The following CELSR1 variants were observed in gnomAD, a reference collection of about 807,000 sequenced individuals.
CELSR1 encodes the protein cadherin EGF LAG seven-pass G-type receptor 1.
In CELSR1, 110 loss-of-function variants were observed where a neutral mutation model predicts 249.1. That is an observed-to-expected ratio of 0.44 (90% CI 0.38 to 0.52). CELSR1 has a LOEUF of 0.52. CELSR1 is among the 20% of genes least tolerant of loss of function. CELSR1 has a pLI of 0.00. For missense variants in CELSR1, 4,109 were observed against 4,296.4 expected, an observed-to-expected ratio of 0.96 and a Z score of 1.22; for synonymous variants, 2,113 against 1,900.0, an observed-to-expected ratio of 1.11 and a Z score of -2.92.
chr22:46,455,861 T>C (rs1347844805), intron 2 of CELSR1, among the ~76,000 whole-genome samples: 1 of 152,154 alleles, frequency 6.6e-6, no homozygotes, highest in Non-Finnish European at 1.5e-5. Flanking sequence ...CCCGGCAAGA[T>C]TTTTATAGAA....
chr22:46,439,353 GTTCTTGCACACCCCGTTGGCACAGCGGCC>G lies in CELSR1; in HGVS notation c.4213_4241del (p.Gly1405ArgfsTer22). ...TGAGCAGGTTCACGCAGGTGCCCCC[GTTCTTGCACACCCCGTTGGCACAGCGGCC>G]TGAGCGGGCATCCACCTCACAGTGC... On this transcript the variant is annotated frameshift_variant, in exon 3 of 35. Transcript: ENST00000674500. LOFTEE classifies it high-confidence loss of function. The G allele has an allele frequency of 6.2e-7, 1 of 1,614,014 alleles. No homozygotes were observed. The highest frequency in any genetic ancestry group is 2.2e-5 in the East Asian group (1 of 44,874).
Position 46,374,034 on chromosome 22 carries a change from G to T in CELSR1, c.7585-977C>A, listed in dbSNP as rs758170796. Among the ~76,000 whole-genome samples, 2 of 152,232 alleles carry T rather than the reference G, an allele frequency of 1.3e-5. No individual in the cohort carries two copies. Among genetic ancestry groups the T allele is most frequent in the Non-Finnish European group, 2.9e-5 (2 of 68,042 alleles). On this transcript the variant is annotated intron_variant, in intron 24 of 34. Transcript: ENST00000674500. The surrounding 1 kb of genome is among the most constrained non-coding windows in gnomAD (Gnocchi z 4.3). The stretch of plus-strand genomic sequence containing the variant: ...AAACAACGCCCCCGAGGTGGGGAGG[G>T]CCCCAAGTCAGCATCGCATCTGTCA...
chr22:46,500,624 G>T lies in CELSR1; in HGVS notation c.3544+33003C>A, dbSNP rs969746498. On this transcript the variant is annotated intron_variant, in intron 1 of 34. Coordinates refer to ENST00000674500, the MANE Select transcript of CELSR1 (RefSeq NM_001378328.1). The surrounding 1 kb of genome is among the most constrained non-coding windows in gnomAD (Gnocchi z 4.9). The stretch of plus-strand genomic sequence containing the variant: ...GAGCTAGCCCACACCTGTGTTTTTT[G>T]ATCTCTGGGGGAGTTTACAACAATG... 2.0e-5 allele frequency among the ~76,000 whole-genome samples: 3 copies of T among 152,206 alleles called. No individual in the cohort carries two copies. The highest frequency in any genetic ancestry group is 2.1e-4 in the South Asian group (1 of 4,832).
intron 2 of CELSR1, among the ~76,000 whole-genome samples, chr22:46,457,547 G>A (rs1306896537): frequency 6.6e-5 from 10 of 152,134 alleles, no homozygotes; most frequent in East Asian, 1.9e-4. Flanking sequence ...AGAAAAACCC[G>A]CCTTTCCTGT....
rs2080333836 is a variant in CELSR1 at position 46,488,119 on chromosome 22, C to T, written c.3545-23774G>A. Among the ~76,000 whole-genome samples, 2 of 151,780 alleles carry T rather than the reference C, an allele frequency of 1.3e-5. No individual in the cohort carries two copies. Among genetic ancestry groups the T allele is most frequent in the Non-Finnish European group, 2.9e-5 (2 of 67,896 alleles). On this transcript the variant is annotated intron_variant, in intron 1 of 34. Transcript: ENST00000674500. The surrounding 1 kb of genome is among the most constrained non-coding windows in gnomAD (Gnocchi z 4.7). ...GCACGGGGAGGGGTCCTGCCCTGCA[C>T]CTCAGTTTCAGGGGAGGGCTCTGCA...
intron 1 of CELSR1, among the ~76,000 whole-genome samples, chr22:46,510,306 C>G (rs1438538919): frequency 6.6e-6 from 1 of 152,184 alleles, no homozygotes; most frequent in Non-Finnish European, 1.5e-5. Flanking sequence ...CCAGAACACA[C>G]CCCCTTCCTG....
rs763427219 is a variant in CELSR1, at chr22:46,411,707, G to A, written c.4664C>T (p.Ala1555Val). The change falls in exon 6 of 35, where the codon GCC (alanine) becomes GTC (valine). Residue 1555 changes from alanine to valine, a missense_variant. Transcript: ENST00000674500. This position sits in a 1 kb window ranked among gnomAD's most constrained non-coding sequence, Gnocchi z 4.2. ...LPHGPSGEKM[A>V]VVTVDDCDTT... is the part of the protein sequence containing the mutation. ...GTCACAATCATCCACTGTCACCACG[G>A]CCATCTTTTCCCCGGACGGCCCATG... The A allele has an allele frequency of 4.3e-6, 7 of 1,614,072 alleles. No homozygotes were observed. Among genetic ancestry groups the A allele is most frequent in the Non-Finnish European group, 5.9e-6 (7 of 1,180,054 alleles).
In CELSR1 at chr22:46,500,997, T is replaced by TA. The variant is rs2080460599; in HGVS notation, c.3544+32629dup. ...TAAGATGTTTCCACTAAGAAAAGTT[T>TA]ATTTATTTATTTATTTTATTTTATT... On this transcript the variant is annotated intron_variant, in intron 1 of 34. Transcript: ENST00000674500. This position sits in a 1 kb window ranked among gnomAD's most constrained non-coding sequence, Gnocchi z 4.9. 6.6e-6 allele frequency among the ~76,000 whole-genome samples: 1 copy of TA among 151,260 alleles called. No individual in the cohort carries two copies. The highest frequency in any genetic ancestry group is 6.6e-5 in the Admixed American group (1 of 15,210).
chr22:46,481,305 G>A (rs1043662213), intron 1 of CELSR1: 17 of 585,242 alleles, frequency 2.9e-5, no homozygotes, highest in African/African-American at 7.6e-5. Context: ...CCTCAGCCCC[G>A]ATGGCCACTG....
Position 46,484,684 on chromosome 22 carries a change from G to A in CELSR1, c.3545-20339C>T, listed in dbSNP as rs2080297580. Among the ~76,000 whole-genome samples the A allele has an allele frequency of 7.1e-6, 1 of 140,536 alleles. No homozygotes were observed. The highest frequency in any genetic ancestry group is 1.5e-5 in the Non-Finnish European group (1 of 65,338). The allele number at this position is 140,536 out of a possible 152,430, so 92.2% of individuals were successfully genotyped here. On this transcript the variant is annotated intron_variant, in intron 1 of 34. Coordinates refer to ENST00000674500, the MANE Select transcript of CELSR1 (RefSeq NM_001378328.1). This position sits in a 1 kb window ranked among gnomAD's most constrained non-coding sequence, Gnocchi z 4.5. ...GGGGGTTCTGCCCCAGAGACCCTGT[G>A]GCCATCAGAGATGCTGGAGTGAGCG...
intron 2 of CELSR1, among the ~76,000 whole-genome samples, chr22:46,456,427 A>C (rs752110518): frequency 3.3e-5 from 5 of 152,172 alleles, no homozygotes; most frequent in Non-Finnish European, 5.9e-5. Flanking sequence ...TGGGAGGCCA[A>C]GGCGGGCAGA....
At chr22:46,365,460 G>A (rs1287595434) in intron 31 of CELSR1, 80 bp from the exon 32 acceptor site, 7 of 1,576,484 alleles carry the variant, frequency 4.4e-6, no homozygotes, top group African/African-American at 1.3e-5. Flanking sequence ...GAGCCACTGG[G>A]CCCCTGGCAT....
At chr22:46,420,503 G>A (rs1187118279) in intron 5 of CELSR1, among the ~76,000 whole-genome samples, 1 of 152,036 alleles carries the variant, frequency 6.6e-6, no homozygotes, top group African/African-American at 2.4e-5. Context: ...TGCACACGTG[G>A]ACACACCCAC....
At position 46,380,726 on chromosome 22, in the gene CELSR1, A is replaced by G; in HGVS notation, c.7256+62T>C. 1.3e-6 allele frequency: 2 copies of G among 1,574,834 alleles called. No homozygotes were observed. Among genetic ancestry groups the G allele is most frequent in the African/African-American group, 2.7e-5 (2 of 74,120 alleles). On this transcript the variant is annotated intron_variant, in intron 22 of 34. Transcript: ENST00000674500. The surrounding 1 kb of genome is among the most constrained non-coding windows in gnomAD (Gnocchi z 5.1). The stretch of plus-strand genomic sequence containing the variant: ...GGGGCGCTCTGCCACTGAGCCCCCG[A>G]CCCTGCGGGGGCACTCTGCCTTGGC...
chr22:46,420,474 A>G (rs1052096640), intron 5 of CELSR1, among the ~76,000 whole-genome samples: 1 of 152,094 alleles, frequency 6.6e-6, no homozygotes. Flanking sequence ...TCACCCACTC[A>G]CGTATGCACT....
At chr22:46,394,284 A>T in intron 13 of CELSR1, 22 bp from the exon 14 acceptor site, 1 of 1,607,964 alleles carries the variant, frequency 6.2e-7, no homozygotes, top group Non-Finnish European at 8.5e-7. Flanking sequence ...ATAAGAGGGC[A>T]GCTGGAAGGT....
rs2079666855 is a variant in CELSR1, at chr22:46,436,775, A to T, written c.4407-486T>A. Among the ~76,000 whole-genome samples, 2 of 151,728 alleles carry T rather than the reference A, an allele frequency of 1.3e-5. No individual in the cohort carries two copies. The highest frequency in any genetic ancestry group is 4.2e-4 in the South Asian group (2 of 4,804). ...CAATAGCATCTTTTGGCTCCCAAAC[A>T]CAGGTCAAAAAGACCCCAGGGCCTT... On this transcript the variant is annotated intron_variant, in intron 3 of 34. Transcript: ENST00000674500. The surrounding 1 kb of genome is among the most constrained non-coding windows in gnomAD (Gnocchi z 5.9).
rs954074123 is a variant in CELSR1, at chr22:46,393,187, G to C, written c.5964+955C>G. Among the ~76,000 whole-genome samples the C allele has an allele frequency of 2.6e-4, 39 of 152,172 alleles. No homozygotes were observed. Among genetic ancestry groups the C allele is most frequent in the African/African-American group, 8.9e-4 (37 of 41,446 alleles). On this transcript the variant is annotated intron_variant, in intron 14 of 34. Coordinates refer to ENST00000674500, the MANE Select transcript of CELSR1 (RefSeq NM_001378328.1). This position sits in a 1 kb window ranked among gnomAD's most constrained non-coding sequence, Gnocchi z 4.1. ...CCTGTTACCCTCAGACCTAACATTT[G>C]GGTTTCAAGTCACTGTGAGCGCCAT...
intron 1 of CELSR1, among the ~76,000 whole-genome samples, chr22:46,466,117 G>T (rs142539024): frequency 6.6e-6 from 1 of 152,228 alleles, no homozygotes; most frequent in African/African-American, 2.4e-5. Flanking sequence ...CCCAGAGGGC[G>T]TCCGCAGAGC....
Sources: gnomAD v4.1 joint callset for allele counts (sites outside exome capture counted in the v4.1 genomes callset) on GRCh38, gnomAD v4.1.1 for gene constraint, Gnocchi (gnomAD v3.1) non-coding constraint, MANE v1.5 for transcripts, NCBI Gene and HGNC (gene_info 2026-07-23, HGNC 2026-07-21) for gene names.